The following SEC14L1 variants were observed in gnomAD, a reference collection of about 807,000 sequenced individuals.
SEC14L1 encodes SEC14-like protein 1.
SEC14L1 carries 48 observed loss-of-function variants against 85.3 expected under a neutral mutation model. That is an observed-to-expected ratio of 0.56 (90% CI 0.45 to 0.72). The LOEUF (loss-of-function observed/expected upper bound fraction) is 0.72, where lower values mean the gene tolerates loss of function less well. Ranked by LOEUF, SEC14L1 falls within the 30% of genes least tolerant of loss-of-function variation. The pLI, the probability that SEC14L1 is intolerant of heterozygous loss-of-function variation, is 0.00. For synonymous variants in SEC14L1, 391 were observed against 355.5 expected (o/e 1.10, Z -1.12); for missense variants, 682 against 921.4 (o/e 0.74, Z 3.36).
At chr17:77,180,241 C>CT (rs1974970547) in intron 3 of SEC14L1, among the ~76,000 whole-genome samples, 2 of 151,128 alleles carry the variant, frequency 1.3e-5, no homozygotes, top group Non-Finnish European at 1.5e-5. Flanking sequence ...GTAGCTGGGA[C>CT]TACAGGCACC....
chr17:77,179,078 G>A (rs1974889229), intron 3 of SEC14L1, among the ~76,000 whole-genome samples: 1 of 152,170 alleles, frequency 6.6e-6, no homozygotes, highest in East Asian at 1.9e-4. Context: ...TATCATGTCT[G>A]GAACTCTTGG....
intron 3 of SEC14L1, among the ~76,000 whole-genome samples, chr17:77,111,424 G>T (rs919345513): frequency 6.8e-6 from 1 of 148,138 alleles, no homozygotes; most frequent in Non-Finnish European, 1.5e-5. Flanking sequence ...ACAGAGTCTC[G>T]CTTTGTCGCC....
intron 3 of SEC14L1, among the ~76,000 whole-genome samples, chr17:77,190,080 G>A (rs544592947): frequency 6.6e-6 from 1 of 151,934 alleles, no homozygotes; most frequent in Non-Finnish European, 1.5e-5. Context: ...TTCCCTAAAA[G>A]TTTTAGTTTT....
At position 77,155,935 on chromosome 17, in the gene SEC14L1, T is replaced by A. The variant is rs10512613; in HGVS notation, c.63+12276T>A. 3.3e-5 allele frequency among the ~76,000 whole-genome samples: 5 copies of A among 151,866 alleles called. No individual in the cohort carries two copies. The East Asian group carries it at 7.7e-4, about 24-fold the overall frequency. On this transcript the variant is annotated intron_variant, in intron 3 of 16. Coordinates refer to ENST00000436233, the MANE Select transcript of SEC14L1 (RefSeq NM_001143998.2). Reference sequence around the variant, plus strand: ...AGCTTAAGCTTGGCTCCCAGAATCCTTTGTCATTGGCCTTCTGCCTGTCCT... The same window carrying A: ...AGCTTAAGCTTGGCTCCCAGAATCCATTGTCATTGGCCTTCTGCCTGTCCT...
upstream of SEC14L1, among the ~76,000 whole-genome samples, chr17:77,136,966 A>G (rs1302462946): frequency 6.6e-6 from 1 of 150,852 alleles, no homozygotes; most frequent in Non-Finnish European, 1.5e-5. Context: ...CTGGAGTGCA[A>G]TGGTGCGGTC....
At chr17:77,119,741 T>C (rs1972253118) in intron 3 of SEC14L1, among the ~76,000 whole-genome samples, 1 of 152,204 alleles carries the variant, frequency 6.6e-6, no homozygotes, top group Non-Finnish European at 1.5e-5. Flanking sequence ...CAGCAGTTCA[T>C]ACTTCTATTA....
intron 1 of SEC14L1, chr17:77,089,139 C>T: frequency 3.4e-6 from 1 of 291,884 alleles, no homozygotes; most frequent in Non-Finnish European, 6.3e-6. Flanking sequence ...CATTATGTTA[C>T]TTTTTCCCCC....
intron 3 of SEC14L1, among the ~76,000 whole-genome samples, chr17:77,134,393 A>T (rs925828375): frequency 1.3e-5 from 2 of 152,004 alleles, no homozygotes; most frequent in Non-Finnish European, 2.9e-5. Context: ...GGAACTATAG[A>T]TGCGAGCCAC....
chr17:77,174,901 C>T (rs530968103), intron 3 of SEC14L1, among the ~76,000 whole-genome samples: 18 of 152,226 alleles, frequency 1.2e-4, no homozygotes, highest in Non-Finnish European at 2.2e-4. Context: ...TAACGCAGTT[C>T]CTGTCGGTGT....
At position 77,214,102 on chromosome 17, in the gene SEC14L1, G is replaced by A. The variant is rs546480755; in HGVS notation, c.*79G>A. ...AGCCAGCTGCACCCGCCCACCCAGC[G>A]GCGACATTGTACAGACTCCTCTCAC... On this transcript the variant is annotated 3_prime_UTR_variant, in exon 17 of 17. Transcript: ENST00000436233. 1.8e-4 allele frequency: 284 copies of A among 1,554,752 alleles called. No individual in the cohort carries two copies. Among genetic ancestry groups the A allele is most frequent in the Middle Eastern group, 7.2e-4 (3 of 4,180 alleles).
chr17:77,203,669 G>A lies in SEC14L1; in HGVS notation c.1098+11G>A, dbSNP rs756140140. Reference sequence around the variant, plus strand: ...GCCCTGCTGAGATACGTAAGTGCGCGGCTGCGAGACTCCAGGTGCCACTGT... The same window carrying A: ...GCCCTGCTGAGATACGTAAGTGCGCAGCTGCGAGACTCCAGGTGCCACTGT... On this transcript the variant is annotated intron_variant, in intron 10 of 16. Coordinates refer to ENST00000436233, the MANE Select transcript of SEC14L1 (RefSeq NM_001143998.2). The A allele has an allele frequency of 9.1e-5, 146 of 1,605,924 alleles. 1 individual carries two copies. Among genetic ancestry groups the A allele is most frequent in the Non-Finnish European group, 1.1e-4 (132 of 1,175,884 alleles).
chr17:77,193,181 CT>C (rs1243178312), intron 5 of SEC14L1, among the ~76,000 whole-genome samples: 1 of 152,168 alleles, frequency 6.6e-6, no homozygotes, highest in Non-Finnish European at 1.5e-5. Context: ...TGAAGCTCTC[CT>C]TTTATAGTCA....
At chr17:77,089,813 C>G (rs547506052) in intron 2 of SEC14L1, 2 of 195,610 alleles carry the variant, frequency 1.0e-5, no homozygotes, top group Non-Finnish European at 2.1e-5. Context: ...GTCAGGAGTT[C>G]GAGACCAGTC....
chr17:77,095,928 T>C (rs191161287), intron 3 of SEC14L1, among the ~76,000 whole-genome samples: 101 of 152,232 alleles, frequency 6.6e-4, no homozygotes, highest in African/African-American at 2.4e-3. Context: ...GGCATCTTTC[T>C]GGGTGATGGG....
rs114549519 is a variant in SEC14L1, at chr17:77,154,339, T to G, written c.63+10680T>G. ...CTGAAAAAAAATTAGCTGGGTGTGG[T>G]GGCGCATGCCCGTAGTCTCAGCTAC... On this transcript the variant is annotated intron_variant, in intron 3 of 16. Coordinates refer to ENST00000436233, the MANE Select transcript of SEC14L1 (RefSeq NM_001143998.2). Among the ~76,000 whole-genome samples, 1,203 of 152,262 alleles carry G rather than the reference T, an allele frequency of 7.9e-3. 20 individuals are homozygous for G. Among genetic ancestry groups the G allele is most frequent in the African/African-American group, 0.027 (1,125 of 41,556 alleles).
intron 3 of SEC14L1, among the ~76,000 whole-genome samples, chr17:77,176,303 G>A (rs1176854287): frequency 6.6e-6 from 1 of 151,662 alleles, no homozygotes; most frequent in African/African-American, 2.4e-5. Context: ...AAAAAAAAAA[G>A]TAAACCAATT....
rs376652870 is a variant in SEC14L1, at chr17:77,213,536, A to G, written c.2042+44A>G. The G allele has an allele frequency of 2.2e-5, 35 of 1,597,928 alleles. No homozygotes were observed. The highest frequency in any genetic ancestry group is 4.5e-5 in the East Asian group (2 of 44,864). On this transcript the variant is annotated intron_variant, in intron 16 of 16. Transcript: ENST00000436233. This position sits in a 1 kb window ranked among gnomAD's most constrained non-coding sequence, Gnocchi z 7.1. ...CAGCAGGTGCTGCGGACAGCTGGGCATGGTTGGAGGGAGCCTGCAGTCCCA... is the reference window on the plus strand; with the variant it reads ...CAGCAGGTGCTGCGGACAGCTGGGCGTGGTTGGAGGGAGCCTGCAGTCCCA...
At chr17:77,131,646 C>T (rs953993787) in intron 3 of SEC14L1, among the ~76,000 whole-genome samples, 4 of 152,124 alleles carry the variant, frequency 2.6e-5, no homozygotes, top group African/African-American at 7.2e-5. Flanking sequence ...TTGTTGAATC[C>T]ACAAAGGAAT....
At chr17:77,160,840 T>TA (rs1974024934) in intron 3 of SEC14L1, among the ~76,000 whole-genome samples, 1 of 152,180 alleles carries the variant, frequency 6.6e-6, no homozygotes, top group South Asian at 2.1e-4. Flanking sequence ...CAACAAATAA[T>TA]ACTGTTTTAA....
Sources: allele counts gnomAD v4.1 joint callset (sites outside exome capture counted in the v4.1 genomes callset), GRCh38; gene constraint gnomAD v4.1.1; non-coding constraint Gnocchi (gnomAD v3.1); transcripts MANE v1.5; gene names NCBI Gene and HGNC (gene_info 2026-07-23, HGNC 2026-07-21).